Variants in ATP12A observed in about 807,000 individuals in gnomAD.
ATP12A encodes potassium-transporting ATPase alpha chain 2.
ATP12A carries 81 observed loss-of-function variants against 111.2 expected under a neutral mutation model. The ratio of observed to expected loss-of-function variants is 0.73; its 90% CI spans 0.61 to 0.88. ATP12A has a LOEUF of 0.88. Ranked by LOEUF, ATP12A falls within the 40% of genes least tolerant of loss-of-function variation. The probability of loss-of-function intolerance (pLI) is 0.00; values close to 1 mark genes in which losing one functional copy is unlikely to be tolerated. For synonymous variants in ATP12A, 498 were observed against 499.8 expected (o/e 1.00, Z 0.05); for missense variants, 1,196 against 1,313.1 (o/e 0.91, Z 1.38).
intron 1 of ATP12A, 27 bp from the exon 2 acceptor site, chr13:24,681,534 CA>C: frequency 6.2e-7 from 1 of 1,601,626 alleles, no homozygotes; most frequent in Non-Finnish European, 8.5e-7. Flanking sequence ...CATTTGGGGC[CA>C]ATATTGCACC....
intron 17 of ATP12A, among the ~76,000 whole-genome samples, chr13:24,708,957 GAA>G (rs1164295428): frequency 7.8e-6 from 1 of 127,558 alleles, no homozygotes; most frequent in African/African-American, 2.8e-5. Flanking sequence ...AAGAAAGAAA[GAA>G]AGAAGGAAAG....
Position 24,709,816 on chromosome 13 carries a change from T to C in ATP12A, c.2751T>C (p.Tyr917=). Residue 917 remains tyrosine (Y), a synonymous_variant, in exon 19 of 23, where the codon TAT becomes TAC. Transcript: ENST00000381946. ...ACGTGAATGACTTGAAAGACAGCTA[T>C]GGGCAGGAATGGGTGAGTGGCGGGA... is the stretch of plus-strand genomic sequence containing the variant. The part of the protein sequence containing the change: ...KDYVNDLKDS[Y]GQEWTRYQRE... 1 of 1,614,160 alleles carries C rather than the reference T, an allele frequency of 6.2e-7. No individual in the cohort carries two copies. The highest frequency in any genetic ancestry group is 8.5e-7 in the Non-Finnish European group (1 of 1,179,968).
rs1875360711 is a variant in ATP12A, at chr13:24,700,817, C to A, written c.1776C>A (p.Asn592Lys). 2 of 1,614,178 alleles carry A rather than the reference C, an allele frequency of 1.2e-6. No homozygotes were observed. Among genetic ancestry groups the A allele is most frequent in the African/African-American group, 1.3e-5 (1 of 75,044 alleles). Residue 592 changes from asparagine to lysine, a missense_variant, in exon 13 of 23, where the codon AAC becomes AAA. This residue lies in a region of ATP12A where 1,126 missense variants were observed against 1,228.5 expected (regional missense o/e 0.92). Coordinates refer to ENST00000381946, the MANE Select transcript of ATP12A (RefSeq NM_001676.7). ...ACTCATTTGACATAGACGCTATGAA[C>A]TTTCCGACCTCCAACCTCTGTTTTG... ...ETYSFDIDAMNFPTSNLCFVG... is the reference protein window; with the variant it reads ...ETYSFDIDAMKFPTSNLCFVG...
Position 24,692,707 on chromosome 13 carries a change from C to G in ATP12A, c.1267+80C>G. On this transcript the variant is annotated intron_variant, in intron 9 of 22. Transcript: ENST00000381946. ...TGAGCTGAGCACACAGCAGGGTCTG[C>G]AGCCAGAGGATTGCTGGACAGTGAC... 11 of 1,596,438 alleles carry G rather than the reference C, an allele frequency of 6.9e-6. No individual in the cohort carries two copies. The South Asian group carries it at 1.2e-4, about 18-fold the overall frequency.
At chr13:24,708,887 A>AGAGAAAG (rs1875792097) in intron 17 of ATP12A, among the ~76,000 whole-genome samples, 1 of 122,718 alleles carries the variant, frequency 8.1e-6, no homozygotes, top group Non-Finnish European at 1.7e-5. Context: ...AGAGAGAAAG[A>AGAGAAAG]GAAAGAAAGA....
At chr13:24,684,625 A>G (rs1874602496) in intron 2 of ATP12A, among the ~76,000 whole-genome samples, 1 of 152,224 alleles carries the variant, frequency 6.6e-6, no homozygotes, top group South Asian at 2.1e-4. Context: ...GGTTACCACA[A>G]CTGAGGGGAG....
chr13:24,701,004 A>G, intron 13 of ATP12A, 82 bp downstream of exon 13: 3 of 1,460,810 alleles, frequency 2.1e-6, no homozygotes, highest in Non-Finnish European at 2.8e-6. Context: ...GCAGATGGTC[A>G]GTATTTAGGT....
chr13:24,708,099 T>C (rs1875750137), intron 17 of ATP12A, among the ~76,000 whole-genome samples: 2 of 152,190 alleles, frequency 1.3e-5, no homozygotes, highest in South Asian at 4.1e-4. Flanking sequence ...GGGGGCCCAG[T>C]GACTAAAGTG....
In ATP12A at chr13:24,710,837, T is replaced by A; in HGVS notation, c.2943T>A (p.Gly981=). ...GGATCACCTCACAGATCATCATTGG[T>A]CTGATCCTCTCCTATGGCCTCGGAA... is the stretch of plus-strand genomic sequence containing the variant. ...WVGITSQIII[G]LILSYGLGSV... Residue 981 remains glycine (G), a synonymous_variant, in exon 21 of 23, where the codon GGT becomes GGA. Coordinates refer to ENST00000381946, the MANE Select transcript of ATP12A (RefSeq NM_001676.7). 1.2e-6 allele frequency: 2 copies of A among 1,614,226 alleles called. No individual in the cohort carries two copies. Among genetic ancestry groups the A allele is most frequent in the Non-Finnish European group, 1.7e-6 (2 of 1,180,046 alleles).
chr13:24,690,858 G>A (rs765525399), intron 7 of ATP12A, 124 bp from the exon 8 acceptor site: 6 of 1,471,018 alleles, frequency 4.1e-6, no homozygotes, highest in South Asian at 2.5e-5. Flanking sequence ...CCTAGAGGAC[G>A]ATGCTTGGCC....
At chr13:24,702,201 T>C in intron 14 of ATP12A, 130 bp downstream of exon 14, 1 of 1,204,790 alleles carries the variant, frequency 8.3e-7, no homozygotes, top group Non-Finnish European at 1.2e-6. Flanking sequence ...GTTTGAGCTA[T>C]TATTTGCATA....
intron 17 of ATP12A, 108 bp from the exon 18 acceptor site, chr13:24,709,256 G>GGCCC: frequency 1.7e-6 from 1 of 584,596 alleles, no homozygotes; most frequent in Non-Finnish European, 2.8e-6. Context: ...CCAGCTCCAT[G>GGCCC]CCCCCCACCC....
chr13:24,681,834 T>C (rs971636857), intron 2 of ATP12A, 114 bp downstream of exon 2: 22 of 1,374,048 alleles, frequency 1.6e-5, no homozygotes, highest in Non-Finnish European at 2.2e-5. Flanking sequence ...TGAAATCCCC[T>C]TGAGATTGTG....
At chr13:24,687,151 G>A (rs574694574) in intron 3 of ATP12A, among the ~76,000 whole-genome samples, 14 of 152,102 alleles carry the variant, frequency 9.2e-5, no homozygotes, top group Middle Eastern at 3.4e-3. Flanking sequence ...CATGAGACCC[G>A]GGAGAGAACA....
intron 14 of ATP12A, among the ~76,000 whole-genome samples, chr13:24,705,349 G>T (rs1042261457): frequency 6.6e-6 from 1 of 152,208 alleles, no homozygotes; most frequent in Non-Finnish European, 1.5e-5. Flanking sequence ...GCTTGACAAC[G>T]CAGGCCCCAC....
intron 6 of ATP12A, 37 bp downstream of exon 6, chr13:24,690,509 T>C (rs1874842586): frequency 6.2e-7 from 1 of 1,610,218 alleles, no homozygotes; most frequent in East Asian, 2.2e-5. Context: ...AGGACCATGT[T>C]CCAAACCTGC....
At chr13:24,691,476 T>C (rs1396186025) in intron 8 of ATP12A, among the ~76,000 whole-genome samples, 1 of 152,230 alleles carries the variant, frequency 6.6e-6, no homozygotes, top group East Asian at 1.9e-4. Context: ...ATGCTTTCAA[T>C]CTGCAATTCA....
chr13:24,690,618 T>G lies in ATP12A; in HGVS notation c.696T>G (p.Ser232=), dbSNP rs537213137. 1,983 of 1,611,782 alleles carry G rather than the reference T, an allele frequency of 1.2e-3. 34 individuals carry two copies. The South Asian group carries it at 0.021, about 17-fold the overall frequency. Residue 232 remains serine (S), a synonymous_variant, in exon 7 of 23, where the codon TCT becomes TCG. Transcript: ENST00000381946. ...ATTTCTTCTAGGTGGATAACTCATC[T>G]CTCACGGGGGAGTCTGAGCCCCAGC... ...SSQGCRVDNS[S]LTGESEPQPR... is the part of the protein sequence containing the mutation.
chr13:24,707,550 A>T, intron 17 of ATP12A, 117 bp downstream of exon 17: 3 of 1,357,736 alleles, frequency 2.2e-6, no homozygotes, highest in Admixed American at 2.0e-5. Context: ...CTTCCATGTG[A>T]TGGGGCCTGT....
Sources: allele counts gnomAD v4.1 joint callset (sites outside exome capture counted in the v4.1 genomes callset), GRCh38; gene constraint gnomAD v4.1.1; regional missense constraint gnomAD v4.1.1; transcripts MANE v1.5; gene names NCBI Gene and HGNC (gene_info 2026-07-23, HGNC 2026-07-21).